SHROOM3: variants seen among roughly 807,000 people sequenced by gnomAD.
The protein encoded by SHROOM3 is protein Shroom3.
In SHROOM3, 47 loss-of-function variants were observed where a neutral mutation model predicts 138.6. The ratio of observed to expected loss-of-function variants is 0.34; its 90% CI spans 0.27 to 0.43. The LOEUF (loss-of-function observed/expected upper bound fraction) is 0.43, where lower values mean the gene tolerates loss of function less well. SHROOM3 is among the 20% of genes least tolerant of loss of function. SHROOM3 has a pLI of 1.00. For synonymous variants in SHROOM3, 1,062 were observed against 1,063.3 expected, an observed-to-expected ratio of 1.00 and a Z score of 0.02; for missense variants, 2,491 against 2,596.5, an observed-to-expected ratio of 0.96 and a Z score of 0.88.
rs766733462 is a variant in SHROOM3 at position 76,740,606 on chromosome 4, C to G, written c.2433C>G (p.Pro811=). The change falls in exon 5 of 11, where the codon CCC becomes CCG. Residue 811 remains proline, a synonymous_variant. Coordinates refer to ENST00000296043, the MANE Select transcript of SHROOM3 (RefSeq NM_020859.4). This position sits in a 1 kb window ranked among gnomAD's most constrained non-coding sequence, Gnocchi z 4.0. ...GGSGFGHNYR[P]HRTVSTSSTS... The stretch of plus-strand genomic sequence containing the variant: ...CTGGTTTTGGCCATAACTATAGGCC[C>G]CACAGGACCGTCTCAACTTCCAGTA... 1 of 1,614,054 alleles carries G rather than the reference C, an allele frequency of 6.2e-7. No individual in the cohort carries two copies. Among genetic ancestry groups the G allele is most frequent in the African/African-American group, 1.3e-5 (1 of 74,924 alleles).
intron 1 of SHROOM3, among the ~76,000 whole-genome samples, chr4:76,479,663 C>T (rs1264527710): frequency 6.6e-6 from 1 of 151,950 alleles, no homozygotes; most frequent in Non-Finnish European, 1.5e-5. Flanking sequence ...AAGAACAACC[C>T]CAAGACACAT....
At chr4:76,473,604 G>A (rs1272048030) in intron 1 of SHROOM3, among the ~76,000 whole-genome samples, 1 of 151,956 alleles carries the variant, frequency 6.6e-6, no homozygotes, top group Non-Finnish European at 1.5e-5. Flanking sequence ...GCAAGACTCT[G>A]TCTCAAAAAA....
In SHROOM3 at chr4:76,545,833, C is replaced by T. The variant is rs78894044; in HGVS notation, c.169-9776C>T. Among the ~76,000 whole-genome samples the T allele has an allele frequency of 4.1e-3, 631 of 152,214 alleles. 2 individuals are homozygous for T. Among genetic ancestry groups the T allele is most frequent in the African/African-American group, 0.014 (565 of 41,528 alleles). On this transcript the variant is annotated intron_variant, in intron 1 of 10. Coordinates refer to ENST00000296043, the MANE Select transcript of SHROOM3 (RefSeq NM_020859.4). ...GGATGCTCGAAGAAGGTGCAAATTT[C>T]GCCCAAGATCACCTAGTATTGGAAG...
intron 1 of SHROOM3, among the ~76,000 whole-genome samples, chr4:76,452,969 C>T (rs1036234014): frequency 3.3e-5 from 5 of 152,234 alleles, no homozygotes; most frequent in South Asian, 2.1e-4. Flanking sequence ...CCACCTGCCT[C>T]GGCCTCCCAG....
chr4:76,702,923 G>A (rs1719944907), intron 2 of SHROOM3, among the ~76,000 whole-genome samples: 1 of 152,040 alleles, frequency 6.6e-6, no homozygotes, highest in Non-Finnish European at 1.5e-5. Flanking sequence ...TTTCTGCAAG[G>A]TTGACATAGA....
chr4:76,778,755 G>A, intron 10 of SHROOM3, 54 bp from the exon 11 acceptor site: 1 of 1,610,940 alleles, frequency 6.2e-7, no homozygotes, highest in Non-Finnish European at 8.5e-7. Context: ...AGGGAGTCTG[G>A]CTCTTTTCTC....
intron 1 of SHROOM3, among the ~76,000 whole-genome samples, chr4:76,455,660 A>G (rs4859674): frequency 0.72 from 108,932 of 152,040 alleles, 39,369 homozygotes; most frequent in East Asian, 0.79. Context: ...GAATATATAG[A>G]AAAAGAGTTT....
Position 76,739,476 on chromosome 4 carries a change from G to C in SHROOM3, c.1303G>C (p.Val435Leu), listed in dbSNP as rs768811288. ...ATTCATAGAGGAGCAGCTGCATACT[G>C]TGCTGGAGAAGAGTCCAGAGAACAG... ...SPFIEEQLHT[V>L]LEKSPENSPP... The change falls in exon 5 of 11, where the codon GTG becomes CTG. Residue 435 changes from valine to leucine, a missense_variant. Val to Leu is a conservative substitution (Grantham distance 32). Around this residue, in one of 4 missense-constraint regions of SHROOM3, gnomAD observed 1,733 missense variants for 1,661.6 expected, o/e 1.04. Transcript: ENST00000296043. 1 of 1,614,212 alleles carries C rather than the reference G, an allele frequency of 6.2e-7. No individual in the cohort carries two copies. The highest frequency in any genetic ancestry group is 8.5e-7 in the Non-Finnish European group (1 of 1,180,040).
chr4:76,436,104 A>G lies in SHROOM3; in HGVS notation c.52A>G (p.Asn18Asp), dbSNP rs911919186. The G allele has an allele frequency of 1.2e-6, 2 of 1,614,036 alleles. No homozygotes were observed. The highest frequency in any genetic ancestry group is 8.5e-7 in the Non-Finnish European group (1 of 1,179,942). ...FHKPSATLNS[N>D]TATKGRYIYL... ...CAAGCCTAGTGCCACATTAAACTCT[A>G]ACACGGCCACCAAGGGAAGGTACAT... Residue 18 changes from asparagine to aspartate, a missense_variant, in exon 1 of 11, where the codon AAC becomes GAC. By Grantham distance (23) the Asn-to-Asp change is conservative. Around this residue, in one of 4 missense-constraint regions of SHROOM3, gnomAD observed 284 missense variants for 322.8 expected, o/e 0.88. Transcript: ENST00000296043.
chr4:76,658,254 T>C (rs894519788), intron 2 of SHROOM3, among the ~76,000 whole-genome samples: 3 of 152,210 alleles, frequency 2.0e-5, no homozygotes, highest in Non-Finnish European at 2.9e-5. Context: ...GCTACCTTAG[T>C]TGGAATTAAT....
chr4:76,695,236 G>A (rs1363604983), intron 2 of SHROOM3, among the ~76,000 whole-genome samples: 1 of 152,150 alleles, frequency 6.6e-6, no homozygotes, highest in Non-Finnish European at 1.5e-5. Context: ...CACCTGTGAG[G>A]TGGTCCTCTC....
intron 2 of SHROOM3, among the ~76,000 whole-genome samples, chr4:76,560,989 GT>G (rs1427942083): frequency 6.6e-6 from 1 of 152,192 alleles, no homozygotes; most frequent in Non-Finnish European, 1.5e-5. Context: ...TTGCATATTT[GT>G]TAAGTAAATT....
chr4:76,530,835 A>C lies in SHROOM3; in HGVS notation c.169-24774A>C, dbSNP rs377253163. Among the ~76,000 whole-genome samples the C allele has an allele frequency of 8.5e-5, 13 of 152,316 alleles. 2 individuals carry two copies. The highest frequency in any genetic ancestry group is 3.1e-4 in the African/African-American group (13 of 41,582). ...TCCATCCTGTGGCTGGCTGGGGACC[A>C]TCACACACGGGAGGCTGTGTGCTGA... On this transcript the variant is annotated intron_variant, in intron 1 of 10. Transcript: ENST00000296043.
intron 2 of SHROOM3, among the ~76,000 whole-genome samples, chr4:76,705,734 C>T (rs13121538): frequency 0.21 from 32,124 of 152,094 alleles, 3,567 homozygotes; most frequent in African/African-American, 0.26. Context: ...CCTAGCTCTT[C>T]ACTCATAGTG....
At chr4:76,618,974 A>T (rs1734940814) in intron 2 of SHROOM3, among the ~76,000 whole-genome samples, 1 of 152,134 alleles carries the variant, frequency 6.6e-6, no homozygotes, top group African/African-American at 2.4e-5. Context: ...CAGCCTCCTG[A>T]GTAGCTGGGA....
intron 1 of SHROOM3, among the ~76,000 whole-genome samples, chr4:76,453,675 T>C (rs1205354437): frequency 6.6e-6 from 1 of 152,226 alleles, no homozygotes; most frequent in Non-Finnish European, 1.5e-5. Flanking sequence ...CATCAATACA[T>C]CTTCTTTGGT....
intron 1 of SHROOM3, among the ~76,000 whole-genome samples, chr4:76,530,765 A>G (rs1732813446): frequency 6.6e-6 from 1 of 152,168 alleles, no homozygotes; most frequent in Non-Finnish European, 1.5e-5. Context: ...CATGTAGCAG[A>G]GAGGACCAGA....
chr4:76,608,534 GCATAGCATA>G (rs1560563068), intron 2 of SHROOM3, among the ~76,000 whole-genome samples: 13 of 14,294 alleles, frequency 9.1e-4, no homozygotes, highest in South Asian at 7.4e-3. Context: ...AGATGGCATA[GCATAGCATA>G]GCATAGCATA....
chr4:76,484,197 C>A (rs778831792), intron 1 of SHROOM3, among the ~76,000 whole-genome samples: 2 of 151,736 alleles, frequency 1.3e-5, no homozygotes, highest in Non-Finnish European at 2.9e-5. Flanking sequence ...CTGTCTATAA[C>A]CTTTAGTTAG....
Sources: allele counts gnomAD v4.1 joint callset (sites outside exome capture counted in the v4.1 genomes callset), GRCh38; gene constraint gnomAD v4.1.1; regional missense constraint gnomAD v4.1.1; non-coding constraint Gnocchi (gnomAD v3.1); transcripts MANE v1.5; gene names NCBI Gene and HGNC (gene_info 2026-07-23, HGNC 2026-07-21).